Variants in STOML3 observed in about 807,000 individuals in gnomAD.
STOML3 encodes stomatin like 3.
A neutral mutation model predicts 29.5 loss-of-function variants in STOML3; 31 were observed. The observed-to-expected ratio is 1.05, with a 90% CI of 0.79 to 1.42. The LOEUF is 1.42. STOML3 is among the 40% of genes most tolerant of loss of function. The pLI, the probability that STOML3 is intolerant of heterozygous loss-of-function variation, is 0.00. For synonymous variants in STOML3, 122 were observed against 139.8 expected, an observed-to-expected ratio of 0.87 and a Z score of 0.90; for missense variants, 380 against 363.0, an observed-to-expected ratio of 1.05 and a Z score of -0.38.
At position 38,976,824 on chromosome 13, in the gene STOML3, G is replaced by A. The variant is rs898873045; in HGVS notation, c.53-27C>T. The A allele has an allele frequency of 3.2e-6, 5 of 1,585,810 alleles. No homozygotes were observed. In the Admixed American group the frequency reaches 5.2e-5, roughly 16 times the overall value. ...TAGGAAATGAGAAGGAAGCAAATAT[G>A]TGATCAATGTGGTTATTAAAAAAGC... On this transcript the variant is annotated intron_variant, in intron 1 of 6. Transcript: ENST00000379631.
chr13:38,976,864 G>A, intron 1 of STOML3, 67 bp from the exon 2 acceptor site: 7 of 1,375,926 alleles, frequency 5.1e-6, no homozygotes, highest in Middle Eastern at 1.8e-4. Flanking sequence ...CAGCTGCATG[G>A]GTGTGGAACC....
intron 3 of STOML3, among the ~76,000 whole-genome samples, chr13:38,973,452 T>C (rs1880965114): frequency 6.6e-6 from 1 of 152,196 alleles, no homozygotes; most frequent in African/African-American, 2.4e-5. Flanking sequence ...AAGATGCTCA[T>C]AGATGCAGTG....
chr13:38,968,816 G>C (rs1351781093), intron 5 of STOML3, among the ~76,000 whole-genome samples: 1 of 152,046 alleles, frequency 6.6e-6, no homozygotes, highest in Non-Finnish European at 1.5e-5. Flanking sequence ...CAATCCCAAG[G>C]AGGTATATGA....
intron 3 of STOML3, among the ~76,000 whole-genome samples, chr13:38,976,169 C>T (rs1881067217): frequency 6.6e-6 from 1 of 152,194 alleles, no homozygotes; most frequent in South Asian, 2.1e-4. Context: ...AATATACTCT[C>T]CTTGAGTAAC....
intron 1 of STOML3, among the ~76,000 whole-genome samples, chr13:38,977,740 A>G (rs1483262669): frequency 7.3e-6 from 1 of 136,760 alleles, no homozygotes; most frequent in East Asian, 2.0e-4. Context: ...ATAATTTCTG[A>G]AGTCTCCGGA....
At chr13:38,976,836 G>A in intron 1 of STOML3, 39 bp from the exon 2 acceptor site, 3 of 1,573,116 alleles carry the variant, frequency 1.9e-6, no homozygotes, top group South Asian at 1.1e-5. Context: ...GATCAATGTG[G>A]TTATTAAAAA....
chr13:38,973,555 T>G (rs1027134316), intron 3 of STOML3, among the ~76,000 whole-genome samples: 4 of 152,310 alleles, frequency 2.6e-5, no homozygotes, highest in Admixed American at 2.0e-4. Context: ...ACAAGGCCAC[T>G]AATTCCACTC....
intron 1 of STOML3, among the ~76,000 whole-genome samples, chr13:38,989,943 G>A (rs1206368430): frequency 1.3e-5 from 2 of 151,354 alleles, no homozygotes; most frequent in Admixed American, 6.6e-5. Context: ...ACACACACAC[G>A]CACACCATCA....
intron 1 of STOML3, among the ~76,000 whole-genome samples, chr13:38,988,977 C>T (rs1318388151): frequency 6.9e-6 from 1 of 144,060 alleles, no homozygotes; most frequent in African/African-American, 2.5e-5. Context: ...ATTATATATA[C>T]TATATTACAT....
rs187809824 is a variant in STOML3, at chr13:38,974,522, T to G, written c.230-1928A>C. ...CTTCGGTTACCTAATATATATAAGC[T>G]GGTAGTGAAGATTAAGCATGATTCA... On this transcript the variant is annotated intron_variant, in intron 3 of 6. Coordinates refer to ENST00000379631, the MANE Select transcript of STOML3 (RefSeq NM_145286.3). 1.4e-3 allele frequency among the ~76,000 whole-genome samples: 214 copies of G among 152,248 alleles called. 1 individual carries two copies. The highest frequency in any genetic ancestry group is 2.2e-3 in the Non-Finnish European group (150 of 68,006).
At chr13:38,980,637 A>G (rs904518811) in intron 1 of STOML3, among the ~76,000 whole-genome samples, 8 of 152,148 alleles carry the variant, frequency 5.3e-5, no homozygotes, top group Non-Finnish European at 1.0e-4. Context: ...TATTCTCTGG[A>G]CAGTTGTCGC....
chr13:38,981,998 T>C (rs942790046), intron 1 of STOML3, among the ~76,000 whole-genome samples: 6 of 152,302 alleles, frequency 3.9e-5, no homozygotes, highest in Admixed American at 1.3e-4. Context: ...AGCCAAGATA[T>C]GAAGTTTGCC....
intron 3 of STOML3, among the ~76,000 whole-genome samples, chr13:38,972,906 G>A (rs1261706292): frequency 2.0e-5 from 3 of 151,972 alleles, no homozygotes; most frequent in Non-Finnish European, 2.9e-5. Context: ...ATAATATTCT[G>A]ACCAATTGTG....
intron 1 of STOML3, among the ~76,000 whole-genome samples, chr13:38,985,918 T>C (rs1189161589): frequency 7.2e-6 from 1 of 138,388 alleles, no homozygotes; most frequent in African/African-American, 2.9e-5. Context: ...TTTCTTTTTT[T>C]TTTTTTTTTT....
chr13:38,967,058 A>G lies in STOML3; in HGVS notation c.652-9T>C, dbSNP rs1252877161. The G allele has an allele frequency of 1.2e-6, 2 of 1,610,838 alleles. No individual in the cohort carries two copies. The highest frequency in any genetic ancestry group is 1.1e-5 in the South Asian group (1 of 90,854). ...CCTTCAGCTGCAAGGACCTGAAATG[A>G]CAGAAATAAAATCGTTCAGAAATAA... On this transcript the variant is annotated splice_polypyrimidine_tract_variant and intron_variant, in intron 6 of 6. Transcript: ENST00000379631.
intron 1 of STOML3, among the ~76,000 whole-genome samples, chr13:38,988,124 T>TTATATTTTATATCA (rs1172108860): frequency 3.6e-5 from 3 of 82,344 alleles, no homozygotes; most frequent in Non-Finnish European, 5.9e-5. Flanking sequence ...ATTTTATATA[T>TTATATTTTATATCA]TATATTTTAT....
chr13:38,967,212 T>C lies in STOML3; in HGVS notation c.652-163A>G, dbSNP rs189898462. ...GATAAGTTTCACTTCCTAACATAAT[T>C]AGAGAAATTCAAGGAGGTTGCAGGA... On this transcript the variant is annotated intron_variant, in intron 6 of 6. Coordinates refer to ENST00000379631, the MANE Select transcript of STOML3 (RefSeq NM_145286.3). Among the ~76,000 whole-genome samples the C allele has an allele frequency of 4.8e-3, 734 of 152,246 alleles. 3 individuals are homozygous for C. Among genetic ancestry groups the C allele is most frequent in the Non-Finnish European group, 8.7e-3 (590 of 68,002 alleles).
intron 1 of STOML3, among the ~76,000 whole-genome samples, chr13:38,978,442 C>T (rs904434986): frequency 1.3e-5 from 2 of 152,226 alleles, no homozygotes; most frequent in African/African-American, 4.8e-5. Flanking sequence ...GCATGAGCCA[C>T]TGCACCTGGC....
intron 1 of STOML3, among the ~76,000 whole-genome samples, chr13:38,980,942 T>C (rs998661294): frequency 2.6e-5 from 4 of 152,208 alleles, no homozygotes; most frequent in Non-Finnish European, 4.4e-5. Context: ...TGGTGAAATA[T>C]GTGGAGACTT....
Sources: allele counts gnomAD v4.1 joint callset (sites outside exome capture counted in the v4.1 genomes callset), GRCh38; gene constraint gnomAD v4.1.1; transcripts MANE v1.5; gene names NCBI Gene and HGNC (gene_info 2026-07-23, HGNC 2026-07-21).